Variants in GRAMD1C observed in about 807,000 individuals in gnomAD.
The protein encoded by GRAMD1C is GRAM domain containing 1C, also known as protein Aster-C.
GRAMD1C carries 89 observed loss-of-function variants against 97.8 expected under a neutral mutation model. That is an observed-to-expected ratio of 0.91 (90% CI 0.77 to 1.09). GRAMD1C has a LOEUF of 1.09. GRAMD1C is among the 50% of genes least tolerant of loss of function. The probability of loss-of-function intolerance (pLI) is 0.00; values close to 1 mark genes in which losing one functional copy is unlikely to be tolerated. For synonymous variants in GRAMD1C, 256 were observed against 267.0 expected (o/e 0.96, Z 0.40); for missense variants, 740 against 766.4 (o/e 0.97, Z 0.41).
At chr3:113,891,635 C>T (rs1327968901) in intron 6 of GRAMD1C, among the ~76,000 whole-genome samples, 1 of 151,842 alleles carries the variant, frequency 6.6e-6, no homozygotes, top group East Asian at 1.9e-4. Flanking sequence ...AATCCCAGCA[C>T]TTCTGGAGGC....
In GRAMD1C at chr3:113,912,004, G is replaced by A. The variant is rs572009959; in HGVS notation, c.952+2884G>A. On this transcript the variant is annotated intron_variant, in intron 9 of 17. Coordinates refer to ENST00000358160, the MANE Select transcript of GRAMD1C (RefSeq NM_017577.5). ...GGCCTCCCAAAATGCTGGGACTACAGGCATGAGCCACCGCACCTGGCCAAT... is the reference window on the plus strand; with the variant it reads ...GGCCTCCCAAAATGCTGGGACTACAAGCATGAGCCACCGCACCTGGCCAAT... Among the ~76,000 whole-genome samples, 8 of 152,154 alleles carry A rather than the reference G, an allele frequency of 5.3e-5. No homozygotes were observed. In the South Asian group the frequency reaches 1.4e-3, roughly 28 times the overall value.
At chr3:113,838,724 G>GT (rs1342567530), upstream of GRAMD1C, 5 of 379,462 alleles carry the variant, frequency 1.3e-5, no homozygotes, top group South Asian at 2.8e-4. Flanking sequence ...GGCTAACCCG[G>GT]TAACACCCAT....
At chr3:113,934,393 G>T in intron 12 of GRAMD1C, 39 bp from the exon 13 acceptor site, 3 of 916,116 alleles carry the variant, frequency 3.3e-6, no homozygotes, top group East Asian at 2.5e-5. Context: ...ACTAAAGTCT[G>T]CTCTTTAAAT....
intron 1 of GRAMD1C, among the ~76,000 whole-genome samples, chr3:113,829,704 G>T (rs1398171952): frequency 1.3e-5 from 2 of 152,020 alleles, no homozygotes; most frequent in African/African-American, 4.8e-5. Flanking sequence ...AAACATTTGG[G>T]TGAGCTAGAT....
chr3:113,907,689 G>C (rs947553258), intron 8 of GRAMD1C, among the ~76,000 whole-genome samples: 1 of 152,094 alleles, frequency 6.6e-6, no homozygotes, highest in African/African-American at 2.4e-5. Flanking sequence ...AATACTCTTT[G>C]TAAAACTTCA....
At chr3:113,933,444 C>T (rs548741407) in intron 11 of GRAMD1C, 67 bp from the exon 12 acceptor site, 1 of 1,131,566 alleles carries the variant, frequency 8.8e-7, no homozygotes, top group African/African-American at 1.5e-5. Context: ...TATACATGTT[C>T]TAAATTGGCA....
intron 3 of GRAMD1C, among the ~76,000 whole-genome samples, chr3:113,872,464 G>A (rs1158403058): frequency 2.1e-5 from 3 of 140,052 alleles, no homozygotes; most frequent in East Asian, 2.1e-4. Context: ...GTGTGATCTC[G>A]GCTCACTGCA....
chr3:113,933,411 T>G (rs1937512199), intron 11 of GRAMD1C, 100 bp from the exon 12 acceptor site: 1 of 789,068 alleles, frequency 1.3e-6, no homozygotes, highest in Admixed American at 2.3e-5. Flanking sequence ...ATGTTTTTTG[T>G]AATTTTTGAG....
At chr3:113,863,076 T>C (rs1233011669) in intron 2 of GRAMD1C, among the ~76,000 whole-genome samples, 1 of 152,200 alleles carries the variant, frequency 6.6e-6, no homozygotes, top group Non-Finnish European at 1.5e-5. Context: ...CAGCAATTCT[T>C]CTCTTAGATA....
At chr3:113,849,200 A>C (rs979758509) in intron 2 of GRAMD1C, among the ~76,000 whole-genome samples, 1 of 152,128 alleles carries the variant, frequency 6.6e-6, no homozygotes, top group Non-Finnish European at 1.5e-5. Context: ...GTGTGTGTTC[A>C]GAAGATGACA....
At chr3:113,849,339 C>G (rs1933757993) in intron 2 of GRAMD1C, among the ~76,000 whole-genome samples, 1 of 149,982 alleles carries the variant, frequency 6.7e-6, no homozygotes, top group Admixed American at 6.7e-5. Context: ...GTGTTTCTCG[C>G]AGAGGGGGAT....
At chr3:113,841,281 C>CTTTTTTT (rs1269088707) in intron 1 of GRAMD1C, among the ~76,000 whole-genome samples, 1 of 17,532 alleles carries the variant, frequency 5.7e-5, no homozygotes, top group African/African-American at 1.2e-4. Flanking sequence ...TTCTTTCTTT[C>CTTTTTTT]TTTCTTTTTT....
chr3:113,915,156 T>G (rs1215739925), intron 9 of GRAMD1C, among the ~76,000 whole-genome samples: 1 of 152,192 alleles, frequency 6.6e-6, no homozygotes, highest in Admixed American at 6.5e-5. Context: ...TTTTAATGTG[T>G]GATGTTGAAA....
chr3:113,938,024 AAT>A, intron 14 of GRAMD1C, 60 bp from the exon 15 acceptor site: 1 of 865,596 alleles, frequency 1.2e-6, no homozygotes, highest in Non-Finnish European at 1.8e-6. Flanking sequence ...AAAAAAAAAA[AAT>A]TTGGATCAGT....
At chr3:113,913,199 C>T (rs1267546028) in intron 9 of GRAMD1C, 2 of 661,108 alleles carry the variant, frequency 3.0e-6, no homozygotes, top group Non-Finnish European at 2.4e-6. Context: ...TTTTCTCTTT[C>T]TCACCTGCTT....
At chr3:113,899,587 G>C (rs2107443544) in intron 6 of GRAMD1C, among the ~76,000 whole-genome samples, 1 of 152,296 alleles carries the variant, frequency 6.6e-6, no homozygotes, top group African/African-American at 2.4e-5. Flanking sequence ...ATGAATGAGA[G>C]AGATTATCTT....
intron 17 of GRAMD1C, among the ~76,000 whole-genome samples, chr3:113,940,714 A>G (rs1287045231): frequency 6.6e-6 from 1 of 152,190 alleles, no homozygotes; most frequent in Middle Eastern, 3.2e-3. Context: ...GCTATTACAT[A>G]CACTGTCCAT....
At chr3:113,845,806 T>C (rs541790763) in intron 2 of GRAMD1C, among the ~76,000 whole-genome samples, 2 of 152,342 alleles carry the variant, frequency 1.3e-5, no homozygotes, top group African/African-American at 4.8e-5. Context: ...AAAAAAAGAT[T>C]CATTAACAGG....
chr3:113,915,157 G>A (rs1477150360), intron 9 of GRAMD1C, among the ~76,000 whole-genome samples: 18 of 152,302 alleles, frequency 1.2e-4, no homozygotes, highest in East Asian at 1.9e-4. Context: ...TTTAATGTGT[G>A]ATGTTGAAAA....
Sources: allele counts gnomAD v4.1 joint callset (sites outside exome capture counted in the v4.1 genomes callset), GRCh38; gene constraint gnomAD v4.1.1; transcripts MANE v1.5; gene names NCBI Gene and HGNC (gene_info 2026-07-23, HGNC 2026-07-21).